PRKCI: variants seen among roughly 807,000 people sequenced by gnomAD.
The protein encoded by PRKCI is protein kinase C iota type.
Under a neutral mutation model 84.0 loss-of-function variants are expected in PRKCI, and 43 were observed. The ratio of observed to expected loss-of-function variants is 0.51; its 90% confidence interval spans 0.40 to 0.66. The LOEUF is 0.66. PRKCI is among the 30% of genes least tolerant of loss of function. The pLI, the probability that PRKCI is intolerant of heterozygous loss-of-function variation, is 0.00. For synonymous variants in PRKCI, 216 were observed against 234.4 expected (o/e 0.92, Z 0.72); for missense variants, 459 against 745.6 (o/e 0.62, Z 4.48).
At chr3:170,252,494 C>G (rs1733477553) in intron 2 of PRKCI, among the ~76,000 whole-genome samples, 1 of 152,062 alleles carries the variant, frequency 6.6e-6, no homozygotes, top group African/African-American at 2.4e-5. Flanking sequence ...ACAAATATTC[C>G]AATTATACTC....
Position 170,267,898 on chromosome 3 carries a change from T to C in PRKCI, c.365-17T>C. 6.4e-7 allele frequency: 1 copy of C among 1,556,824 alleles called. No homozygotes were observed. Among genetic ancestry groups the C allele is most frequent in the Non-Finnish European group, 8.7e-7 (1 of 1,147,588 alleles). The stretch of plus-strand genomic sequence containing the variant: ...ACTTGCTCTTTTTTCTTTTTTTAAC[T>C]ATTACTCTGTCTTCAGAATCCATCT... On this transcript the variant is annotated splice_polypyrimidine_tract_variant and intron_variant, in intron 4 of 17. Transcript: ENST00000295797.
intron 2 of PRKCI, among the ~76,000 whole-genome samples, chr3:170,236,949 T>A (rs1732995167): frequency 7.0e-6 from 1 of 143,500 alleles, no homozygotes. Flanking sequence ...CTCAAACCCA[T>A]AGTCTGATAG....
chr3:170,223,776 A>C, intron 1 of PRKCI, among the ~76,000 whole-genome samples: 1 of 152,176 alleles, frequency 6.6e-6, no homozygotes, highest in Non-Finnish European at 1.5e-5. Flanking sequence ...AAACTCAAGC[A>C]GTGCTAGGTT....
At chr3:170,288,013 G>A (rs768123439) in intron 12 of PRKCI, among the ~76,000 whole-genome samples, 4 of 151,458 alleles carry the variant, frequency 2.6e-5, no homozygotes, top group South Asian at 2.1e-4. Context: ...TTGGGAGGCC[G>A]AGGCAGGCGG....
chr3:170,286,629 G>C (rs908311277), intron 12 of PRKCI, among the ~76,000 whole-genome samples: 1 of 151,562 alleles, frequency 6.6e-6, no homozygotes, highest in Non-Finnish European at 1.5e-5. Context: ...AGTTTGATGG[G>C]GGAATTATCA....
intron 3 of PRKCI, among the ~76,000 whole-genome samples, chr3:170,262,591 G>A (rs1014147883): frequency 3.9e-5 from 6 of 152,000 alleles, no homozygotes; most frequent in Non-Finnish European, 8.8e-5. Context: ...AGTGATTCCC[G>A]GGCCTCAGCC....
At chr3:170,250,244 G>A (rs529117941) in intron 2 of PRKCI, among the ~76,000 whole-genome samples, 3 of 148,804 alleles carry the variant, frequency 2.0e-5, no homozygotes, top group African/African-American at 7.5e-5. Flanking sequence ...CCACACTCCA[G>A]CCTGGGTGAC....
chr3:170,227,988 G>A (rs573604373), intron 1 of PRKCI, among the ~76,000 whole-genome samples: 5 of 152,246 alleles, frequency 3.3e-5, no homozygotes, highest in East Asian at 1.9e-4. Flanking sequence ...TAGGGGTGAC[G>A]GGAGTTGGAC....
chr3:170,290,596 G>C (rs1324239366), intron 12 of PRKCI, among the ~76,000 whole-genome samples: 1 of 151,364 alleles, frequency 6.6e-6, no homozygotes, highest in Non-Finnish European at 1.5e-5. Flanking sequence ...CTGATTTTTA[G>C]TATGTGTGAT....
In PRKCI at chr3:170,303,516, C is replaced by T. The variant is rs1734875001; in HGVS notation, c.*389C>T. The T allele has an allele frequency of 4.3e-6, 1 of 233,090 alleles. No individual in the cohort carries two copies. 14.4% of individuals were successfully genotyped at this position (233,090 alleles called of 1,614,324 possible). ...TTTGTCATTCTGTGTTAAATCATTTCAGGGTTTAATTTTGAAATAAAAGAT... is the reference window on the plus strand; with the variant it reads ...TTTGTCATTCTGTGTTAAATCATTTTAGGGTTTAATTTTGAAATAAAAGAT... On this transcript the variant is annotated 3_prime_UTR_variant, in exon 18 of 18. Transcript: ENST00000295797.
At chr3:170,274,023 CAT>C (rs1226867488) in intron 7 of PRKCI, among the ~76,000 whole-genome samples, 1 of 151,802 alleles carries the variant, frequency 6.6e-6, no homozygotes, top group East Asian at 1.9e-4. Flanking sequence ...TTCTAGTTCA[CAT>C]AAATTTCTTT....
chr3:170,222,724 A>G lies in PRKCI; in HGVS notation c.55A>G (p.Ser19Gly). Residue 19 changes from serine (S) to glycine (G), a missense_variant, in exon 1 of 18, where the codon AGC (serine) becomes GGC (glycine). Transcript: ENST00000295797. ...TMSHTVAGGG[S>G]GDHSHQVRVK... ...GTCCCACACGGTCGCAGGCGGCGGC[A>G]GCGGGGACCATTCCCACCAGGTCCG... The G allele has an allele frequency of 6.2e-7, 1 of 1,610,196 alleles. No individual in the cohort carries two copies. The highest frequency in any genetic ancestry group is 2.2e-5 in the East Asian group (1 of 44,720).
chr3:170,291,770 C>A, intron 12 of PRKCI, 84 bp from the exon 13 acceptor site: 1 of 1,046,084 alleles, frequency 9.6e-7, no homozygotes, highest in Non-Finnish European at 1.5e-6. Flanking sequence ...AGATGCTGAA[C>A]TTATATGATA....
At chr3:170,266,013 A>G (rs1320496299) in intron 4 of PRKCI, among the ~76,000 whole-genome samples, 1 of 152,140 alleles carries the variant, frequency 6.6e-6, no homozygotes, top group Admixed American at 6.5e-5. Flanking sequence ...TAGTAAACCC[A>G]TTGCTATATT....
intron 12 of PRKCI, among the ~76,000 whole-genome samples, chr3:170,285,337 C>G (rs553030105): frequency 6.6e-6 from 1 of 152,300 alleles, no homozygotes; most frequent in South Asian, 2.1e-4. Context: ...CCTCAGCCTC[C>G]CAAAGTGCTG....
At chr3:170,223,683 G>A (rs1218395179) in intron 1 of PRKCI, among the ~76,000 whole-genome samples, 2 of 152,126 alleles carry the variant, frequency 1.3e-5, no homozygotes, top group East Asian at 3.9e-4. Context: ...TGACCATAAA[G>A]GTTGGAGACT....
At chr3:170,264,258 C>T (rs1274082600) in intron 4 of PRKCI, among the ~76,000 whole-genome samples, 17 of 145,936 alleles carry the variant, frequency 1.2e-4, no homozygotes, top group African/African-American at 3.9e-4. Context: ...GTGTTTTTTA[C>T]TTAAACAGGT....
At chr3:170,292,970 G>T (rs1338239515) in intron 13 of PRKCI, among the ~76,000 whole-genome samples, 1 of 151,246 alleles carries the variant, frequency 6.6e-6, no homozygotes, top group Non-Finnish European at 1.5e-5. Flanking sequence ...GAACCCGGGA[G>T]GTGGAGCTTG....
intron 13 of PRKCI, among the ~76,000 whole-genome samples, chr3:170,292,756 A>T (rs1734585442): frequency 6.0e-5 from 9 of 150,052 alleles, no homozygotes. Flanking sequence ...AGTTGCCAAC[A>T]TATAGCCGGG....
Sources: allele counts gnomAD v4.1 joint callset (sites outside exome capture counted in the v4.1 genomes callset), GRCh38; gene constraint gnomAD v4.1.1; transcripts MANE v1.5; gene names NCBI Gene and HGNC (gene_info 2026-07-23, HGNC 2026-07-21).